ACYP2: variants seen among roughly 807,000 people sequenced by gnomAD.
ACYP2 encodes the protein acylphosphatase-2.
ACYP2 carries 12 observed loss-of-function variants against 11.2 expected under a neutral mutation model. The observed-to-expected ratio is 1.08, with a 90% CI of 0.69 to 1.74. The LOEUF (loss-of-function observed/expected upper bound fraction) is 1.74. Ranked by LOEUF, ACYP2 falls within the 40% of genes most tolerant of loss-of-function variation. ACYP2 has a pLI of 0.00. For missense variants in ACYP2, 134 were observed against 101.9 expected (o/e 1.31, Z -1.35); for synonymous variants, 43 against 32.2 (o/e 1.33, Z -1.13).
intron 4 of ACYP2, among the ~76,000 whole-genome samples, chr2:54,086,682 T>A (rs1677963727): frequency 2.0e-5 from 3 of 152,200 alleles, no homozygotes; most frequent in Non-Finnish European, 2.9e-5. Context: ...ATTGTGTGTG[T>A]GTGTGCACGC....
intron 6 of ACYP2, among the ~76,000 whole-genome samples, chr2:54,261,549 G>A (rs1457248178): frequency 6.6e-6 from 1 of 152,142 alleles, no homozygotes; most frequent in African/African-American, 2.4e-5. Flanking sequence ...TGTTTTAAAA[G>A]ATAAACTCAA....
At chr2:54,237,111 A>G (rs1023470150) in intron 6 of ACYP2, among the ~76,000 whole-genome samples, 1 of 152,224 alleles carries the variant, frequency 6.6e-6, no homozygotes. Flanking sequence ...GATGATTTAA[A>G]ACACATGGGA....
intron 2 of ACYP2, among the ~76,000 whole-genome samples, chr2:53,987,721 A>G (rs967277833): frequency 6.6e-6 from 1 of 152,204 alleles, no homozygotes; most frequent in Non-Finnish European, 1.5e-5. Flanking sequence ...CATTCTTCTA[A>G]TGAGTAATGA....
At chr2:54,064,793 A>G (rs999416502) in intron 4 of ACYP2, among the ~76,000 whole-genome samples, 1 of 152,176 alleles carries the variant, frequency 6.6e-6, no homozygotes, top group Non-Finnish European at 1.5e-5. Context: ...GTCAGATTAA[A>G]TATAGGGGGA....
At chr2:54,034,854 C>A (rs931581780) in intron 2 of ACYP2, among the ~76,000 whole-genome samples, 3 of 151,646 alleles carry the variant, frequency 2.0e-5, no homozygotes, top group African/African-American at 7.3e-5. Context: ...ACTAAAAATA[C>A]AAAAAATTAG....
chr2:54,165,473 T>A (rs1447045321), intron 6 of ACYP2, among the ~76,000 whole-genome samples: 2 of 151,810 alleles, frequency 1.3e-5, no homozygotes, highest in Non-Finnish European at 2.9e-5. Context: ...TCTCTCTCTT[T>A]CTCTGTGTGT....
At chr2:54,051,225 C>G (rs1675850017) in intron 3 of ACYP2, 1 of 856,350 alleles carries the variant, frequency 1.2e-6, no homozygotes, top group Non-Finnish European at 2.0e-6. Flanking sequence ...AAAGGAGATC[C>G]TAAGAAGCTG....
intron 2 of ACYP2, among the ~76,000 whole-genome samples, chr2:54,004,520 C>A (rs932116048): frequency 2.7e-4 from 40 of 149,362 alleles, no homozygotes; most frequent in African/African-American, 9.4e-4. Flanking sequence ...ACACCATTCT[C>A]CTGCCTCAGC....
intron 6 of ACYP2, among the ~76,000 whole-genome samples, chr2:54,219,087 G>A (rs935630594): frequency 6.6e-6 from 1 of 152,150 alleles, no homozygotes; most frequent in Non-Finnish European, 1.5e-5. Context: ...TATGATACAT[G>A]TGAAGATTTC....
chr2:54,000,429 T>G (rs994623193), intron 2 of ACYP2, among the ~76,000 whole-genome samples: 1 of 152,180 alleles, frequency 6.6e-6, no homozygotes, highest in Non-Finnish European at 1.5e-5. Flanking sequence ...ATAAACTTAA[T>G]TACAAGACGT....
At chr2:54,295,266 T>C (rs2104154256) in intron 6 of ACYP2, among the ~76,000 whole-genome samples, 1 of 152,374 alleles carries the variant, frequency 6.6e-6, no homozygotes, top group African/African-American at 2.4e-5. Flanking sequence ...GTTCACCTGC[T>C]TCTATTCGGG....
intron 4 of ACYP2, among the ~76,000 whole-genome samples, chr2:54,123,730 C>A (rs1283729192): frequency 1.3e-5 from 2 of 152,050 alleles, no homozygotes; most frequent in African/African-American, 4.8e-5. Flanking sequence ...AAGATTGCTG[C>A]TTAGCTCCAA....
Position 54,043,069 on chromosome 2 carries a change from T to TGG in ACYP2, c.63-7886_63-7885dup, listed in dbSNP as rs1443179347. On this transcript the variant is annotated intron_variant, in intron 2 of 6. Transcript: ENST00000607452. The stretch of plus-strand genomic sequence containing the variant: ...GACCTTGGTTAATATGGGGTGTGTG[T>TGG]GGGGTGTGTGTGTGTGTGTGTGTGT... 2.0e-3 allele frequency among the ~76,000 whole-genome samples: 297 copies of TGG among 146,958 alleles called. 2 individuals carry two copies. The highest frequency in any genetic ancestry group is 7.6e-3 in the African/African-American group (292 of 38,576).
At chr2:54,149,156 T>G (rs919693839) in intron 6 of ACYP2, among the ~76,000 whole-genome samples, 10 of 152,208 alleles carry the variant, frequency 6.6e-5, no homozygotes. Flanking sequence ...GAGAAAAATT[T>G]TTTAAAATGC....
At chr2:54,231,468 C>T (rs1478859667) in intron 6 of ACYP2, among the ~76,000 whole-genome samples, 1 of 152,164 alleles carries the variant, frequency 6.6e-6, no homozygotes, top group Non-Finnish European at 1.5e-5. Flanking sequence ...TCTCATCTCA[C>T]ATCAGACAGG....
chr2:54,126,085 AAAAT>A (rs892659109), intron 4 of ACYP2, among the ~76,000 whole-genome samples: 5 of 152,334 alleles, frequency 3.3e-5, no homozygotes, highest in Non-Finnish European at 5.9e-5. Context: ...CGACTCAAAA[AAAAT>A]AAATAAATAA....
At chr2:54,108,215 G>T (rs1412187097) in intron 4 of ACYP2, among the ~76,000 whole-genome samples, 1 of 152,182 alleles carries the variant, frequency 6.6e-6, no homozygotes, top group East Asian at 1.9e-4. Context: ...AATTCTGCTG[G>T]TGGAAACTCT....
rs993841954 is a variant in ACYP2, at chr2:54,126,389, T to C, written c.278-9064T>C. On this transcript the variant is annotated intron_variant, in intron 4 of 6. Transcript: ENST00000607452. ...CATACCTTGATGGACAACCTAAGTC[T>C]TTTGATGAGATTGATCAAAAATTGT... is the stretch of plus-strand genomic sequence containing the variant. 9.2e-5 allele frequency among the ~76,000 whole-genome samples: 14 copies of C among 152,306 alleles called. No individual in the cohort carries two copies. In the East Asian group the frequency reaches 2.5e-3, roughly 27 times the overall value.
chr2:54,220,018 G>C (rs1270173037), intron 6 of ACYP2, among the ~76,000 whole-genome samples: 2 of 150,474 alleles, frequency 1.3e-5, no homozygotes, highest in East Asian at 3.9e-4. Flanking sequence ...CGGGATTACA[G>C]GTGCAAGCCA....
Sources: gnomAD v4.1 joint callset for allele counts (sites outside exome capture counted in the v4.1 genomes callset) on GRCh38, gnomAD v4.1.1 for gene constraint, MANE v1.5 for transcripts, NCBI Gene and HGNC (gene_info 2026-07-23, HGNC 2026-07-21) for gene names.